The following CELF5 variants were observed in gnomAD, a reference collection of about 807,000 sequenced individuals.
The protein encoded by CELF5 is CUGBP Elav-like family member 5.
Under a neutral mutation model 54.9 loss-of-function variants are expected in CELF5, and 6 were observed. That is an observed-to-expected ratio of 0.11 (90% CI 0.06 to 0.22). The LOEUF (loss-of-function observed/expected upper bound fraction) is 0.22. Among genes scored for constraint, CELF5 ranks in the 10% least tolerant of loss-of-function variants. CELF5 has a pLI of 1.00. For missense variants in CELF5, 401 were observed against 678.6 expected (o/e 0.59, Z 4.54); for synonymous variants, 271 against 290.9 (o/e 0.93, Z 0.70).
intron 11 of CELF5, among the ~76,000 whole-genome samples, chr19:3,291,439 G>A (rs1599491074): frequency 6.6e-6 from 1 of 151,862 alleles, no homozygotes; most frequent in South Asian, 2.1e-4. Context: ...GGTGGTGGGT[G>A]CCTGTAATCC....
rs1196115859 is a variant in CELF5, at chr19:3,224,669, C to G, written c.-71C>G. ...GGGCCCGGGAGGGAGGCGGGAGGCG[C>G]GGCCGCCGCTCCAGCTGCGAGTCCG... On this transcript the variant is annotated 5_prime_UTR_variant, in exon 1 of 13. Coordinates refer to ENST00000292672, the MANE Select transcript of CELF5 (RefSeq NM_021938.4). 1.0e-6 allele frequency: 1 copy of G among 982,912 alleles called. No individual in the cohort carries two copies. The highest frequency in any genetic ancestry group is 1.2e-6 in the Non-Finnish European group (1 of 829,292). 60.9% of individuals were successfully genotyped at this position (982,912 alleles called of 1,614,324 possible).
intron 10 of CELF5, among the ~76,000 whole-genome samples, chr19:3,288,378 C>T (rs557892902): frequency 7.9e-5 from 12 of 151,720 alleles, no homozygotes; most frequent in Non-Finnish European, 1.6e-4. Context: ...AAAAATTAGC[C>T]GGGCGTGGTG....
intron 2 of CELF5, among the ~76,000 whole-genome samples, chr19:3,267,736 G>A (rs1043513743): frequency 1.1e-4 from 16 of 152,174 alleles, no homozygotes; most frequent in African/African-American, 3.4e-4. Flanking sequence ...GTGTGTCTGC[G>A]TGTCCTTCCC....
At chr19:3,249,513 G>A (rs1373125946) in intron 1 of CELF5, among the ~76,000 whole-genome samples, 5 of 141,612 alleles carry the variant, frequency 3.5e-5, no homozygotes, top group Non-Finnish European at 7.7e-5. Flanking sequence ...CCCACCCTCC[G>A]ATCCCTAATG....
At chr19:3,285,476 C>T (rs2080225822) in intron 9 of CELF5, among the ~76,000 whole-genome samples, 1 of 149,818 alleles carries the variant, frequency 6.7e-6, no homozygotes, top group East Asian at 2.0e-4. Flanking sequence ...TGGTCCTGCC[C>T]ACATAGCCCT....
chr19:3,287,788 A>T (rs923496639), intron 10 of CELF5, among the ~76,000 whole-genome samples: 1 of 152,118 alleles, frequency 6.6e-6, no homozygotes, highest in African/African-American at 2.4e-5. Context: ...AAAAATCTTT[A>T]TCAGTGACAC....
intron 2 of CELF5, among the ~76,000 whole-genome samples, chr19:3,264,056 A>G (rs1004456122): frequency 7.2e-5 from 11 of 151,960 alleles, no homozygotes; most frequent in African/African-American, 2.4e-4. Flanking sequence ...ACTAAGCCCA[A>G]CTCTTTTCTT....
At chr19:3,256,298 C>G (rs1207954997) in intron 2 of CELF5, among the ~76,000 whole-genome samples, 1 of 152,188 alleles carries the variant, frequency 6.6e-6, no homozygotes, top group East Asian at 1.9e-4. Context: ...CATCCCTGAC[C>G]TCTCAGGGCT....
At chr19:3,230,431 C>A (rs746916222) in intron 1 of CELF5, among the ~76,000 whole-genome samples, 1 of 152,200 alleles carries the variant, frequency 6.6e-6, no homozygotes, top group Non-Finnish European at 1.5e-5. Context: ...AGGTACATGT[C>A]TTGACTTCCT....
At chr19:3,283,179 C>T (rs943232753) in intron 8 of CELF5, among the ~76,000 whole-genome samples, 1 of 152,126 alleles carries the variant, frequency 6.6e-6, no homozygotes, top group Non-Finnish European at 1.5e-5. Flanking sequence ...AATGAATGAC[C>T]CACTGATTTA....
chr19:3,235,626 GTGGGTGGA>G (rs1273255837), intron 1 of CELF5, among the ~76,000 whole-genome samples: 33 of 139,152 alleles, frequency 2.4e-4, no homozygotes, highest in African/African-American at 8.5e-4. Flanking sequence ...GAATAGGTGG[GTGGGTGGA>G]TGGGTGGATG....
chr19:3,291,735 G>A (rs2080352018), intron 11 of CELF5, among the ~76,000 whole-genome samples: 1 of 151,742 alleles, frequency 6.6e-6, no homozygotes, highest in Admixed American at 6.6e-5. Context: ...TGTGGCTGGA[G>A]CAGAGTGAGG....
In CELF5 at chr19:3,278,371, G is replaced by A. The variant is rs929351201; in HGVS notation, c.603+261G>A. 3.3e-5 allele frequency among the ~76,000 whole-genome samples: 5 copies of A among 152,108 alleles called. No homozygotes were observed. The highest frequency in any genetic ancestry group is 1.3e-4 in the Admixed American group (2 of 15,240). ...GCATGGATGTATTACAAGTGTGTGC[G>A]TGTGGGTGAGTGTGCATGTCTGGGT... On this transcript the variant is annotated intron_variant, in intron 5 of 12. Transcript: ENST00000292672. This position sits in a 1 kb window ranked among gnomAD's most constrained non-coding sequence, Gnocchi z 4.5.
chr19:3,261,852 C>T (rs993182190), intron 2 of CELF5, among the ~76,000 whole-genome samples: 1 of 151,828 alleles, frequency 6.6e-6, no homozygotes. Flanking sequence ...ACAGGAGGGG[C>T]CCAGAATGGA....
At position 3,267,597 on chromosome 19, in the gene CELF5, T is replaced by A. The variant is rs115045096; in HGVS notation, c.343-6275T>A. Among the ~76,000 whole-genome samples the A allele has an allele frequency of 3.2e-3, 483 of 152,294 alleles. 4 individuals are homozygous for A. Among genetic ancestry groups the A allele is most frequent in the African/African-American group, 0.011 (460 of 41,560 alleles). On this transcript the variant is annotated intron_variant, in intron 2 of 12. Transcript: ENST00000292672. The stretch of plus-strand genomic sequence containing the variant: ...GGTCCAGCTTCTGTCCCTTGGCCAG[T>A]GAGGGAGGGGCCAGGACCTTTGGGA...
chr19:3,252,273 G>A (rs867360424), intron 2 of CELF5, among the ~76,000 whole-genome samples: 2 of 151,980 alleles, frequency 1.3e-5, no homozygotes, highest in African/African-American at 2.4e-5. Flanking sequence ...TGGCTCAAGC[G>A]TTCCTCCTGC....
chr19:3,285,022 C>A, intron 9 of CELF5, 58 bp downstream of exon 9: 1 of 1,350,244 alleles, frequency 7.4e-7, no homozygotes, highest in Non-Finnish European at 1.0e-6. Context: ...CCTAGGGCCC[C>A]GCCCCCAGGG....
rs2080041510 is a variant in CELF5 at position 3,275,947 on chromosome 19, G to C, written c.486G>C (p.Glu162Asp). The C allele has an allele frequency of 6.2e-7, 1 of 1,611,528 alleles. No individual in the cohort carries two copies. Among genetic ancestry groups the C allele is most frequent in the East Asian group, 2.2e-5 (1 of 44,726 alleles). ...TCCAGCCCTTCGGGGTCATTGACGA[G>C]TGCACCGTGCTCCGGGGGCCTGACG... is the stretch of plus-strand genomic sequence containing the variant. ...RLFQPFGVID[E>D]CTVLRGPDGS... is the part of the protein sequence containing the mutation. The change falls in exon 4 of 13, where the codon GAG (glutamate) becomes GAC (aspartate). Residue 162 changes from glutamate (E) to aspartate (D), a missense_variant. By Grantham distance (45) the Glu-to-Asp change is conservative (BLOSUM62 2). Around this residue, in one of 6 missense-constraint regions of CELF5, gnomAD observed 87 missense variants for 190.2 expected, o/e 0.46. Transcript: ENST00000292672. The surrounding 1 kb of genome is among the most constrained non-coding windows in gnomAD (Gnocchi z 6.7).
Position 3,281,456 on chromosome 19 carries a change from C to T in CELF5, c.750+111C>T. The stretch of plus-strand genomic sequence containing the variant: ...CCATCTCCCTGACTCAGGGTCCTCT[C>T]CTGGCGTGGCTGAACCCCAACTCCA... On this transcript the variant is annotated intron_variant, in intron 6 of 12. Coordinates refer to ENST00000292672, the MANE Select transcript of CELF5 (RefSeq NM_021938.4). The surrounding 1 kb of genome is among the most constrained non-coding windows in gnomAD (Gnocchi z 6.5). The T allele has an allele frequency of 7.9e-7, 1 of 1,263,874 alleles. No individual in the cohort carries two copies. The highest frequency in any genetic ancestry group is 1.4e-5 in the South Asian group (1 of 71,584). 78.3% of individuals were successfully genotyped at this position (1,263,874 alleles called of 1,614,324 possible).
Sources: gnomAD v4.1 joint callset for allele counts (sites outside exome capture counted in the v4.1 genomes callset) on GRCh38, gnomAD v4.1.1 for gene constraint, gnomAD v4.1.1 regional missense constraint, Gnocchi (gnomAD v3.1) non-coding constraint, MANE v1.5 for transcripts, NCBI Gene and HGNC (gene_info 2026-07-23, HGNC 2026-07-21) for gene names.